The following MIB1 variants were observed in gnomAD, a reference collection of about 807,000 sequenced individuals.
MIB1 encodes the protein E3 ubiquitin-protein ligase MIB1.
Under a neutral mutation model 124.5 loss-of-function variants are expected in MIB1, and 278 were observed. That is an observed-to-expected ratio of 2.23 (90% CI 2.02 to 2.47). The LOEUF (loss-of-function observed/expected upper bound fraction) is 2.47, where lower values mean the gene tolerates loss of function less well. Ranked by LOEUF, MIB1 falls within the 30% of genes most tolerant of loss-of-function variation. The probability of loss-of-function intolerance (pLI) is 0.00; values close to 1 mark genes in which losing one functional copy is unlikely to be tolerated. For missense variants in MIB1, 957 were observed against 1,254.4 expected (o/e 0.76, Z 3.58); for synonymous variants, 446 against 429.4 (o/e 1.04, Z -0.48).
At chr18:21,712,015 A>G (rs1433122909) in intron 1 of MIB1, 1 of 159,378 alleles carries the variant, frequency 6.3e-6, no homozygotes, top group African/African-American at 2.4e-5. Context: ...TTTATAATCC[A>G]ATGCTGTTAC....
chr18:21,832,577 G>GT (rs1198038488), intron 12 of MIB1, among the ~76,000 whole-genome samples: 1 of 152,092 alleles, frequency 6.6e-6, no homozygotes, highest in Non-Finnish European at 1.5e-5. Context: ...GCTATACCTT[G>GT]TTTTTTAATC....
chr18:21,830,823 A>G (rs1306325763), intron 12 of MIB1: 1 of 152,080 alleles, frequency 6.6e-6, no homozygotes, highest in South Asian at 2.1e-4. Flanking sequence ...AAAACAAACG[A>G]GCAAACAAAA....
intron 7 of MIB1, among the ~76,000 whole-genome samples, chr18:21,795,912 T>C (rs1165894348): frequency 6.6e-6 from 1 of 152,188 alleles, no homozygotes; most frequent in Non-Finnish European, 1.5e-5. Context: ...ATTCTGTTAC[T>C]CCTTTGACTT....
chr18:21,861,170 G>A (rs1004671392), intron 20 of MIB1, among the ~76,000 whole-genome samples: 4 of 152,062 alleles, frequency 2.6e-5, no homozygotes, highest in Non-Finnish European at 5.9e-5. Flanking sequence ...ACTTTTTATA[G>A]AATGAATAAG....
Position 21,866,981 on chromosome 18 carries a change from C to T in MIB1, c.*2315C>T, listed in dbSNP as rs1403018121. ...TCCTCCAACTCTCTGAATCTGCTAC[C>T]TCTTATTATATGTCCCTTAGCAGTA... On this transcript the variant is annotated 3_prime_UTR_variant, in exon 21 of 21. Transcript: ENST00000261537. The T allele has an allele frequency of 6.6e-6, 1 of 152,550 alleles. No homozygotes were observed. Among genetic ancestry groups the T allele is most frequent in the Non-Finnish European group, 1.5e-5 (1 of 68,026 alleles). 9.4% of individuals were successfully genotyped at this position (152,550 alleles called of 1,614,324 possible). A position where few individuals can be genotyped will look rare whatever the true frequency, so the allele number is the denominator to read the frequency against.
chr18:21,754,574 T>C (rs1237360515), intron 1 of MIB1, among the ~76,000 whole-genome samples: 1 of 152,172 alleles, frequency 6.6e-6, no homozygotes, highest in Non-Finnish European at 1.5e-5. Flanking sequence ...AGCGGTGATG[T>C]TGGCAATTCA....
intron 13 of MIB1, among the ~76,000 whole-genome samples, chr18:21,841,184 C>T (rs953959348): frequency 1.3e-5 from 2 of 151,968 alleles, no homozygotes; most frequent in African/African-American, 4.8e-5. Flanking sequence ...TGGCCAACAT[C>T]GTGAAACCCC....
At chr18:21,734,313 G>C (rs1236527914) in intron 1 of MIB1, among the ~76,000 whole-genome samples, 2 of 150,452 alleles carry the variant, frequency 1.3e-5, no homozygotes, top group Non-Finnish European at 3.0e-5. Context: ...CACCGTGTTG[G>C]CCAGGATGGT....
chr18:21,833,580 C>G (rs1335061487), intron 12 of MIB1, among the ~76,000 whole-genome samples: 1 of 152,194 alleles, frequency 6.6e-6, no homozygotes, highest in African/African-American at 2.4e-5. Context: ...GTAGTACTAA[C>G]ATGTAAGGCC....
intron 18 of MIB1, among the ~76,000 whole-genome samples, 178 bp from the exon 19 acceptor site, chr18:21,856,952 C>A (rs1298304275): frequency 6.6e-6 from 1 of 152,014 alleles, no homozygotes. Context: ...TGGAGGCTAC[C>A]GATGGAGAAT....
At chr18:21,737,871 T>G (rs771182267), upstream of MIB1, among the ~76,000 whole-genome samples, 5 of 152,154 alleles carry the variant, frequency 3.3e-5, no homozygotes, top group Non-Finnish European at 7.3e-5. Flanking sequence ...GCACCCAGAT[T>G]CATAAAGCAA....
At chr18:21,837,501 C>CCGT (rs1251742465) in intron 12 of MIB1, among the ~76,000 whole-genome samples, 1 of 152,330 alleles carries the variant, frequency 6.6e-6, no homozygotes, top group East Asian at 1.9e-4. Context: ...GAGCGAGACT[C>CCGT]CGTCTCAGGA....
chr18:21,713,645 TAAGAC>T (rs1343916528), intron 1 of MIB1, among the ~76,000 whole-genome samples: 2 of 145,010 alleles, frequency 1.4e-5, no homozygotes, highest in South Asian at 2.2e-4. Context: ...AAAGCTTAAT[TAAGAC>T]AAGTTCTCAT....
intron 1 of MIB1, among the ~76,000 whole-genome samples, chr18:21,714,257 G>A (rs1206920273): frequency 6.6e-6 from 1 of 152,146 alleles, no homozygotes; most frequent in Admixed American, 6.5e-5. Context: ...GATTAGCAGA[G>A]TTGTGAATTG....
At chr18:21,818,658 C>T (rs938922386) in intron 11 of MIB1, among the ~76,000 whole-genome samples, 2 of 151,986 alleles carry the variant, frequency 1.3e-5, no homozygotes, top group African/African-American at 2.4e-5. Context: ...AGAACTTTGC[C>T]GGGCAAGGTG....
intron 1 of MIB1, among the ~76,000 whole-genome samples, chr18:21,718,116 T>C (rs1196889211): frequency 6.6e-6 from 1 of 152,202 alleles, no homozygotes; most frequent in Non-Finnish European, 1.5e-5. Context: ...TGGAGACTTA[T>C]TCTAAGTGAA....
At chr18:21,859,660 G>A (rs999401305) in intron 20 of MIB1, among the ~76,000 whole-genome samples, 16 of 151,836 alleles carry the variant, frequency 1.1e-4, no homozygotes, top group Admixed American at 8.5e-4. Context: ...AGGCTGAGGC[G>A]AGCAGATCAC....
chr18:21,829,926 T>G (rs986152884), intron 12 of MIB1, among the ~76,000 whole-genome samples: 1 of 152,140 alleles, frequency 6.6e-6, no homozygotes, highest in Non-Finnish European at 1.5e-5. Context: ...GCACCTGGGT[T>G]TTATTTACCT....
At chr18:21,753,553 A>G (rs2040998987) in intron 1 of MIB1, among the ~76,000 whole-genome samples, 1 of 151,958 alleles carries the variant, frequency 6.6e-6, no homozygotes, top group African/African-American at 2.4e-5. Flanking sequence ...ATTTCAGTTT[A>G]ATAGTAAGTC....
Sources: allele counts gnomAD v4.1 joint callset (sites outside exome capture counted in the v4.1 genomes callset), GRCh38; gene constraint gnomAD v4.1.1; transcripts MANE v1.5; gene names NCBI Gene and HGNC (gene_info 2026-07-23, HGNC 2026-07-21).